Variants in TMEM178A observed in about 807,000 individuals in gnomAD.
TMEM178A encodes transmembrane protein 178.
TMEM178A carries 12 observed loss-of-function variants against 29.1 expected under a neutral mutation model. That is an observed-to-expected ratio of 0.41 (90% CI 0.26 to 0.67). The LOEUF (loss-of-function observed/expected upper bound fraction) is 0.67. Among genes scored for constraint, TMEM178A ranks in the 30% least tolerant of loss-of-function variants. TMEM178A has a pLI of 0.29. For missense variants in TMEM178A, 366 were observed against 419.1 expected (o/e 0.87, Z 1.11); for synonymous variants, 210 against 187.2 (o/e 1.12, Z -0.99).
At chr2:39,709,323 G>A (rs189210836) in intron 3 of TMEM178A, among the ~76,000 whole-genome samples, 1 of 152,264 alleles carries the variant, frequency 6.6e-6, no homozygotes, top group African/African-American at 2.4e-5. Flanking sequence ...TGGAATGTGG[G>A]GCATCATCAC....
chr2:39,708,664 G>A lies in TMEM178A; in HGVS notation c.652+1478G>A, dbSNP rs557768310. Among the ~76,000 whole-genome samples, 45 of 151,896 alleles carry A rather than the reference G, an allele frequency of 3.0e-4. 1 individual carries two copies. In the East Asian group the frequency reaches 4.7e-3, roughly 16 times the overall value. On this transcript the variant is annotated intron_variant, in intron 3 of 3. Transcript: ENST00000281961. ...GATCTCCTGACCTCGTGATCCGCCC[G>A]CCTCGGCCTCCCAAAGTGCTGGGAT...
chr2:39,729,535 A>G, the TMEM178A span, among the ~76,000 whole-genome samples: 2 of 152,186 alleles, frequency 1.3e-5, no homozygotes. Context: ...TCTTAATTTG[A>G]TATTTAAACT....
Position 39,717,056 on chromosome 2 carries a change from G to T in TMEM178A, c.699G>T (p.Ser233=). Residue 233 remains serine, a synonymous_variant, in exon 4 of 4, where the codon TCG becomes TCT. Coordinates refer to ENST00000281961, the MANE Select transcript of TMEM178A (RefSeq NM_152390.3). ...ISLCTYAASI[S]YDLNRLPKLI... is the part of the protein sequence containing the mutation. Reference sequence around the variant, plus strand: ...TCTGTACTTATGCCGCCAGTATCTCGTATGATTTGAACCGGCTCCCAAAGC... The same window carrying T: ...TCTGTACTTATGCCGCCAGTATCTCTTATGATTTGAACCGGCTCCCAAAGC... The T allele has an allele frequency of 1.2e-6, 2 of 1,610,420 alleles. No individual in the cohort carries two copies. Among genetic ancestry groups the T allele is most frequent in the Non-Finnish European group, 1.7e-6 (2 of 1,179,434 alleles).
intron 3 of TMEM178A, 89 bp downstream of exon 3, chr2:39,707,275 T>C (rs910428662): frequency 1.2e-5 from 17 of 1,437,756 alleles, no homozygotes; most frequent in African/African-American, 8.6e-5. Flanking sequence ...TATCTCCCTG[T>C]TAATTTTGTT....
intron 1 of TMEM178A, among the ~76,000 whole-genome samples, chr2:39,700,047 T>C (rs1671713609): frequency 6.6e-6 from 1 of 152,202 alleles, no homozygotes; most frequent in Admixed American, 6.5e-5. Context: ...TTTATTGAGA[T>C]TTATTTTATT....
chr2:39,713,242 G>T (rs143459994), intron 3 of TMEM178A, among the ~76,000 whole-genome samples: 1 of 152,320 alleles, frequency 6.6e-6, no homozygotes, highest in East Asian at 1.9e-4. Context: ...GGCTTGGGAC[G>T]TGGTAGATAC....
At chr2:39,691,962 A>G (rs1449322437) in intron 1 of TMEM178A, among the ~76,000 whole-genome samples, 1 of 151,954 alleles carries the variant, frequency 6.6e-6, no homozygotes, top group Non-Finnish European at 1.5e-5. Flanking sequence ...TATGTATATA[A>G]TAGAATATTT....
intron 2 of TMEM178A, 39 bp downstream of exon 2, chr2:39,704,233 T>A: frequency 6.4e-7 from 1 of 1,569,212 alleles, no homozygotes. Context: ...GGAAATGGTG[T>A]CATTCTGAAC....
chr2:39,705,045 A>G lies in TMEM178A; in HGVS notation c.514+851A>G, dbSNP rs760806840. ...TTGCCAGAGCAGTGGTCTAATATACATATTATGGCAGGCAACTTTAAGACT... is the reference window on the plus strand; with the variant it reads ...TTGCCAGAGCAGTGGTCTAATATACGTATTATGGCAGGCAACTTTAAGACT... On this transcript the variant is annotated intron_variant, in intron 2 of 3. Coordinates refer to ENST00000281961, the MANE Select transcript of TMEM178A (RefSeq NM_152390.3). Among the ~76,000 whole-genome samples the G allele has an allele frequency of 1.1e-4, 17 of 152,346 alleles. No individual in the cohort carries two copies. In the South Asian group the frequency reaches 1.5e-3, roughly 13 times the overall value.
chr2:39,708,409 ATTTTT>A (rs956611778), intron 3 of TMEM178A, among the ~76,000 whole-genome samples: 5 of 69,678 alleles, frequency 7.2e-5, no homozygotes, highest in Admixed American at 4.1e-4. Flanking sequence ...GAGTGACTTG[ATTTTT>A]TTTTTTTTTT....
chr2:39,731,964 A>T, the TMEM178A span, among the ~76,000 whole-genome samples: 1 of 152,204 alleles, frequency 6.6e-6, no homozygotes, highest in East Asian at 1.9e-4. Flanking sequence ...AGACCATTCC[A>T]ATAGGACAAA....
chr2:39,717,221 G>A lies in TMEM178A; in HGVS notation c.864G>A (p.Gln288=). 6.2e-7 allele frequency: 1 copy of A among 1,613,640 alleles called. No homozygotes were observed. The highest frequency in any genetic ancestry group is 8.5e-7 in the Non-Finnish European group (1 of 1,179,988). The change falls in exon 4 of 4, where the codon CAG becomes CAA. Residue 288 remains glutamine, a synonymous_variant. Transcript: ENST00000281961. ...TTATTAGCCGGACCAAGATTGCACA[G>A]CTAAAGTCTGGCAGAGACTCCACGG... The part of the protein sequence containing the change: ...YPFISRTKIA[Q]LKSGRDSTV
the TMEM178A span, among the ~76,000 whole-genome samples, chr2:39,724,188 G>T: frequency 6.6e-6 from 1 of 152,052 alleles, no homozygotes; most frequent in Admixed American, 6.5e-5. Flanking sequence ...GCTGCTCAAA[G>T]ATCTCTATTT....
chr2:39,680,457 G>A lies in TMEM178A; in HGVS notation c.400+14083G>A, dbSNP rs147108547. Among the ~76,000 whole-genome samples, 460 of 152,300 alleles carry A rather than the reference G, an allele frequency of 3.0e-3. 4 individuals are homozygous for A. The highest frequency in any genetic ancestry group is 0.011 in the African/African-American group (447 of 41,554). ...TTTTCATTTCCTGAGGGATTCAAAG[G>A]AGAAATTGGAACTTTTCTATCGTTT... is the stretch of plus-strand genomic sequence containing the variant. On this transcript the variant is annotated intron_variant, in intron 1 of 3. Coordinates refer to ENST00000281961, the MANE Select transcript of TMEM178A (RefSeq NM_152390.3).
chr2:39,669,385 A>G (rs2148051286), intron 1 of TMEM178A, among the ~76,000 whole-genome samples: 2 of 152,346 alleles, frequency 1.3e-5, no homozygotes, highest in South Asian at 4.1e-4. Flanking sequence ...TGTACAGGGG[A>G]TAGAAACATG....
At chr2:39,679,646 A>T (rs896305618) in intron 1 of TMEM178A, among the ~76,000 whole-genome samples, 9 of 152,154 alleles carry the variant, frequency 5.9e-5, no homozygotes, top group African/African-American at 2.2e-4. Context: ...GTTCTTTCAC[A>T]GGACTTAGTA....
intron 3 of TMEM178A, among the ~76,000 whole-genome samples, chr2:39,712,248 A>G (rs918706321): frequency 7.9e-5 from 12 of 152,116 alleles, no homozygotes; most frequent in African/African-American, 2.9e-4. Context: ...ATCAATGTTT[A>G]TGCCTTTGGG....
At chr2:39,691,115 A>C (rs1000335360) in intron 1 of TMEM178A, among the ~76,000 whole-genome samples, 1 of 152,220 alleles carries the variant, frequency 6.6e-6, no homozygotes, top group Non-Finnish European at 1.5e-5. Context: ...AAATTCCAGA[A>C]GGAGCAAAGA....
chr2:39,665,673 G>T (rs578017441), upstream of TMEM178A: 47 of 301,034 alleles, frequency 1.6e-4, 1 homozygote, highest in African/African-American at 1.1e-3. Context: ...TGCGCGGGGT[G>T]GGGGGCGCCG....
Sources: allele counts gnomAD v4.1 joint callset (sites outside exome capture counted in the v4.1 genomes callset), GRCh38; gene constraint gnomAD v4.1.1; transcripts MANE v1.5; gene names NCBI Gene and HGNC (gene_info 2026-07-23, HGNC 2026-07-21).